Variants in HEATR5A observed in about 807,000 individuals in gnomAD.
The protein encoded by HEATR5A is HEAT repeat containing 5A.
HEATR5A carries 178 observed loss-of-function variants against 218.8 expected under a neutral mutation model. The ratio of observed to expected loss-of-function variants is 0.81; its 90% CI spans 0.72 to 0.92. The LOEUF is 0.92. HEATR5A is among the 40% of genes least tolerant of loss of function. HEATR5A has a pLI of 0.00. For missense variants in HEATR5A, 2,420 were observed against 2,418.9 expected, an observed-to-expected ratio of 1.00 and a Z score of -0.01; for synonymous variants, 864 against 871.6, an observed-to-expected ratio of 0.99 and a Z score of 0.15.
At chr14:31,316,703 C>T (rs75873207) in intron 26 of HEATR5A, among the ~76,000 whole-genome samples, 2,280 of 152,220 alleles carry the variant, frequency 0.015, 147 homozygotes, top group Admixed American at 0.1. Context: ...ATTTCTCTCT[C>T]GTTTTTTGGG....
intron 4 of HEATR5A, 106 bp downstream of exon 4, chr14:31,398,567 T>C (rs761292075): frequency 8.4e-6 from 5 of 593,062 alleles, no homozygotes; most frequent in Admixed American, 6.2e-5. Context: ...TTTATATTCA[T>C]ATCTACATAT....
At chr14:31,293,751 T>C in intron 35 of HEATR5A, 139 bp from the exon 36 acceptor site, 1 of 1,037,688 alleles carries the variant, frequency 9.6e-7, no homozygotes, top group Non-Finnish European at 1.4e-6. Context: ...TACTAAATAA[T>C]ATCAATACTT....
chr14:31,318,385 T>A, intron 25 of HEATR5A, 93 bp from the exon 26 acceptor site: 1 of 935,534 alleles, frequency 1.1e-6, no homozygotes, highest in African/African-American at 1.6e-5. Flanking sequence ...TATTTATTTA[T>A]AACAGGTATT....
chr14:31,379,337 A>C (rs1406792871), intron 11 of HEATR5A, among the ~76,000 whole-genome samples: 1 of 139,856 alleles, frequency 7.2e-6, no homozygotes, highest in Non-Finnish European at 1.6e-5. Context: ...TGCAACCTCC[A>C]CCTCCTGGGT....
intron 1 of HEATR5A, among the ~76,000 whole-genome samples, chr14:31,416,647 A>G (rs1744558004): frequency 6.6e-6 from 1 of 151,626 alleles, no homozygotes; most frequent in African/African-American, 2.4e-5. Context: ...ATGATTCAGG[A>G]TATATACTCC....
chr14:31,309,027 C>T lies in HEATR5A; in HGVS notation c.4597G>A (p.Val1533Ile). 1.2e-6 allele frequency: 2 copies of T among 1,613,954 alleles called. No homozygotes were observed. Among genetic ancestry groups the T allele is most frequent in the Non-Finnish European group, 1.7e-6 (2 of 1,179,870 alleles). ...CCCTGACACATGGAAGTTGGTGTTACAGGCCTGGAGAGATTAGATGCTCCT... is the reference window on the plus strand; with the variant it reads ...CCCTGACACATGGAAGTTGGTGTTATAGGCCTGGAGAGATTAGATGCTCCT... ...DEGASNLSRPVTPTSMCQGSS... is the reference protein window; with the variant it reads ...DEGASNLSRPITPTSMCQGSS... The change falls in exon 29 of 36, where the codon GTA becomes ATA. Residue 1533 changes from valine (V) to isoleucine (I), a missense_variant. By Grantham distance (29) the Val-to-Ile change is conservative. Transcript: ENST00000543095.
At chr14:31,390,193 G>A (rs542062362) in intron 6 of HEATR5A, among the ~76,000 whole-genome samples, 2 of 152,156 alleles carry the variant, frequency 1.3e-5, no homozygotes, top group Non-Finnish European at 2.9e-5. Flanking sequence ...GGAGGGGGTA[G>A]GTAGGAGACA....
At chr14:31,388,732 T>C (rs2030332421) in intron 7 of HEATR5A, 113 bp downstream of exon 7, 2 of 755,336 alleles carry the variant, frequency 2.6e-6, no homozygotes, top group Admixed American at 2.5e-5. Context: ...TATTTATAGA[T>C]ATGAGAGCAT....
intron 22 of HEATR5A, among the ~76,000 whole-genome samples, chr14:31,326,597 A>G (rs941624421): frequency 6.6e-6 from 1 of 152,188 alleles, no homozygotes; most frequent in Non-Finnish European, 1.5e-5. Context: ...ATGTTTTCTT[A>G]ATCAGGTAAA....
chr14:31,411,866 C>T (rs2031284879), intron 1 of HEATR5A, among the ~76,000 whole-genome samples: 1 of 151,092 alleles, frequency 6.6e-6, no homozygotes, highest in African/African-American at 2.4e-5. Flanking sequence ...TGATTTCTTT[C>T]TTTTTTTTTA....
At chr14:31,332,582 T>C (rs1270149150) in intron 22 of HEATR5A, among the ~76,000 whole-genome samples, 2 of 152,236 alleles carry the variant, frequency 1.3e-5, no homozygotes, top group South Asian at 2.1e-4. Context: ...TTATCTAAGT[T>C]GTGAATGCAA....
intron 13 of HEATR5A, chr14:31,371,518 C>T (rs972318566): frequency 9.7e-6 from 2 of 205,980 alleles, no homozygotes; most frequent in African/African-American, 2.3e-5. Flanking sequence ...CTCACGAACA[C>T]AGAATACTCT....
At position 31,400,454 on chromosome 14, in the gene HEATR5A, C is replaced by A; in HGVS notation, c.185G>T (p.Ser62Ile). 6.5e-7 allele frequency: 1 copy of A among 1,535,910 alleles called. No individual in the cohort carries two copies. The highest frequency in any genetic ancestry group is 8.7e-7 in the Non-Finnish European group (1 of 1,146,788). Residue 62 changes from serine (S) to isoleucine (I), a missense_variant, in exon 3 of 36, where the codon AGC becomes ATC. Transcript: ENST00000543095. Reference protein sequence around the residue: ...LVEQLLSLLNSSPGPPTRKLL... With the variant: ...LVEQLLSLLNISPGPPTRKLL... Reference sequence around the variant, plus strand: ...TTTGCGGGTAGGAGGCCCTGGGGAGCTGTTCAACAAAGACAGGAGCTGTTC... The same window carrying A: ...TTTGCGGGTAGGAGGCCCTGGGGAGATGTTCAACAAAGACAGGAGCTGTTC...
At chr14:31,412,708 T>C (rs1484637950) in intron 1 of HEATR5A, among the ~76,000 whole-genome samples, 1 of 151,228 alleles carries the variant, frequency 6.6e-6, no homozygotes, top group Non-Finnish European at 1.5e-5. Flanking sequence ...ACTCTGTCTC[T>C]ACTGAAAATA....
intron 1 of HEATR5A, among the ~76,000 whole-genome samples, chr14:31,405,603 TA>T (rs1197522386): frequency 6.6e-6 from 1 of 152,126 alleles, no homozygotes; most frequent in Non-Finnish European, 1.5e-5. Context: ...GCTACAGAAA[TA>T]ATTTCTGGAA....
chr14:31,367,569 A>ATTTTTTTT (rs567217496), intron 13 of HEATR5A, among the ~76,000 whole-genome samples: 4 of 60,318 alleles, frequency 6.6e-5, no homozygotes, highest in African/African-American at 1.5e-4. Context: ...TGCCCAGCTA[A>ATTTTTTTT]TTTTTTTTTT....
Position 31,293,073 on chromosome 14 carries a change from A to AAGTT in HEATR5A, c.*228_*231dup. On this transcript the variant is annotated 3_prime_UTR_variant, in exon 36 of 36. Coordinates refer to ENST00000543095, the MANE Select transcript of HEATR5A (RefSeq NM_015473.4). ...TTAGCACTTTCTTAAAATTCCTGGC[A>AAGTT]AGTTAGCTCCATTGTCTTTTTAAAT... 1 of 416,988 alleles carries AAGTT rather than the reference A, an allele frequency of 2.4e-6. No homozygotes were observed. Among genetic ancestry groups the AAGTT allele is most frequent in the Non-Finnish European group, 4.2e-6 (1 of 236,870 alleles). The allele number at this position is 416,988 out of a possible 1,614,324, so 25.8% of individuals were successfully genotyped here.
chr14:31,371,021 T>C (rs1902016008), intron 13 of HEATR5A, among the ~76,000 whole-genome samples: 6 of 152,248 alleles, frequency 3.9e-5, no homozygotes, highest in Admixed American at 3.9e-4. Context: ...TCATTAATGC[T>C]CTAGTCCAGT....
At chr14:31,350,539 T>A in intron 17 of HEATR5A, 73 bp downstream of exon 17, 5 of 780,566 alleles carry the variant, frequency 6.4e-6, no homozygotes, top group Non-Finnish European at 1.0e-5. Context: ...AACATCATCC[T>A]CCGACAAACT....
Sources: allele counts gnomAD v4.1 joint callset (sites outside exome capture counted in the v4.1 genomes callset), GRCh38; gene constraint gnomAD v4.1.1; transcripts MANE v1.5; gene names NCBI Gene and HGNC (gene_info 2026-07-23, HGNC 2026-07-21).